NRXN1: variants seen among roughly 807,000 people sequenced by gnomAD.
NRXN1 encodes the protein neurexin 1.
A neutral mutation model predicts 150.9 loss-of-function variants in NRXN1; 39 were observed. The observed-to-expected ratio is 0.26, with a 90% CI of 0.20 to 0.34. The LOEUF (loss-of-function observed/expected upper bound fraction) is 0.34, where lower values mean the gene tolerates loss of function less well. Ranked by LOEUF, NRXN1 falls within the 10% of genes least tolerant of loss-of-function variation. NRXN1 has a pLI of 1.00. For synonymous variants in NRXN1, 924 were observed against 757.0 expected (o/e 1.22, Z -3.62); for missense variants, 1,815 against 1,949.9 (o/e 0.93, Z 1.30).
chr2:50,847,066 G>T (rs1474140251), intron 5 of NRXN1, among the ~76,000 whole-genome samples: 1 of 152,118 alleles, frequency 6.6e-6, no homozygotes. Context: ...AAGATAAGGA[G>T]GAACTTATAT....
At chr2:50,246,157 T>C (rs1339388468) in intron 17 of NRXN1, among the ~76,000 whole-genome samples, 2 of 151,998 alleles carry the variant, frequency 1.3e-5, no homozygotes, top group African/African-American at 4.8e-5. Flanking sequence ...GTATCTGCAA[T>C]GCTTTATTGT....
intron 21 of NRXN1, chr2:49,973,734 G>T: frequency 1.9e-6 from 1 of 520,636 alleles, no homozygotes; most frequent in South Asian, 2.5e-5. Context: ...CCATGCTCAG[G>T]GTTTAAGGAC....
intron 18 of NRXN1, among the ~76,000 whole-genome samples, chr2:50,170,141 TCACACA>T (rs71404935): frequency 3.4e-5 from 5 of 148,370 alleles, no homozygotes; most frequent in African/African-American, 7.4e-5. Context: ...ATAGATAATA[TCACACA>T]CACACACACA....
chr2:50,661,154 C>T (rs1439022547), intron 5 of NRXN1, among the ~76,000 whole-genome samples: 1 of 151,984 alleles, frequency 6.6e-6, no homozygotes, highest in Admixed American at 6.6e-5. Context: ...GTTTCAGAGA[C>T]CTCCAGGTGA....
chr2:49,978,227 A>G (rs919413234), intron 21 of NRXN1, among the ~76,000 whole-genome samples: 4 of 152,118 alleles, frequency 2.6e-5, no homozygotes, highest in Non-Finnish European at 5.9e-5. Context: ...TATATAAAGG[A>G]GAGGAAACTT....
At chr2:50,746,369 G>C (rs971413391) in intron 5 of NRXN1, among the ~76,000 whole-genome samples, 6 of 151,878 alleles carry the variant, frequency 4.0e-5, no homozygotes, top group Non-Finnish European at 2.9e-5. Context: ...ACCAGCCTGG[G>C]CAACATAATG....
At chr2:50,174,995 G>A (rs2060263464) in intron 18 of NRXN1, 1 of 152,164 alleles carries the variant, frequency 6.6e-6, no homozygotes, top group Non-Finnish European at 1.5e-5. Flanking sequence ...CCTGTAATGT[G>A]GGTAGGCTAT....
chr2:50,640,239 T>C (rs146478292), intron 5 of NRXN1, among the ~76,000 whole-genome samples: 1 of 152,256 alleles, frequency 6.6e-6, no homozygotes, highest in East Asian at 1.9e-4. Context: ...GTGATTCTAA[T>C]ATGTGGAAAT....
At chr2:50,407,374 A>C (rs531722526) in intron 17 of NRXN1, among the ~76,000 whole-genome samples, 46 of 152,254 alleles carry the variant, frequency 3.0e-4, no homozygotes, top group Non-Finnish European at 6.2e-4. Context: ...TGATACTATT[A>C]TCCTCTCTGC....
chr2:50,510,383 G>C (rs562930728), intron 12 of NRXN1, among the ~76,000 whole-genome samples: 1 of 150,454 alleles, frequency 6.6e-6, no homozygotes, highest in South Asian at 2.1e-4. Context: ...CTACTCAGGA[G>C]GCTGAGGCAG....
rs116084465 is a variant in NRXN1, at chr2:51,029,481, C to T, written c.-921-287G>A. Among the ~76,000 whole-genome samples the T allele has an allele frequency of 7.0e-3, 1,060 of 152,174 alleles. 8 individuals are homozygous for T. The highest frequency in any genetic ancestry group is 0.024 in the African/African-American group (1,000 of 41,536). On this transcript the variant is annotated intron_variant, in intron 1 of 22. Transcript: ENST00000401669. ...TTGATTATGGTTATCTTTTTCTTTT[C>T]GCAAGATAGTTTAATTTTTAAAATA... is the stretch of plus-strand genomic sequence containing the variant.
chr2:50,227,242 G>C (rs1213974380), intron 18 of NRXN1, among the ~76,000 whole-genome samples: 1 of 151,496 alleles, frequency 6.6e-6, no homozygotes, highest in Non-Finnish European at 1.5e-5. Flanking sequence ...TCCTGGAGAA[G>C]TAAATTACTA....
chr2:50,295,171 T>C (rs1020303673), intron 17 of NRXN1, among the ~76,000 whole-genome samples: 2 of 152,206 alleles, frequency 1.3e-5, no homozygotes, highest in African/African-American at 2.4e-5. Context: ...GAGGGTACAA[T>C]AGCATGTGGT....
chr2:50,727,919 G>A (rs921216123), intron 5 of NRXN1, among the ~76,000 whole-genome samples: 1 of 152,096 alleles, frequency 6.6e-6, no homozygotes, highest in Non-Finnish European at 1.5e-5. Context: ...TTATTGTTAA[G>A]CCACAGGGTA....
At position 50,945,821 on chromosome 2, in the gene NRXN1, C is replaced by T. The variant is rs573039894; in HGVS notation, c.773-19866G>A. Among the ~76,000 whole-genome samples the T allele has an allele frequency of 1.9e-3, 289 of 149,890 alleles. 4 individuals are homozygous for T. Among genetic ancestry groups the T allele is most frequent in the African/African-American group, 6.8e-3 (279 of 40,862 alleles). On this transcript the variant is annotated intron_variant, in intron 2 of 22. Coordinates refer to ENST00000401669, the MANE Select transcript of NRXN1 (RefSeq NM_001330078.2). The stretch of plus-strand genomic sequence containing the variant: ...AAAACATGACAGACTGAATTTACCA[C>T]GACTTTATCGTAAGAAACAAGTGAC...
chr2:50,350,293 T>C (rs373778495), intron 17 of NRXN1, among the ~76,000 whole-genome samples: 12 of 152,212 alleles, frequency 7.9e-5, no homozygotes, highest in African/African-American at 2.9e-4. Context: ...ATAAGGCACA[T>C]CACATCTTTC....
chr2:50,158,108 T>TGTGTG lies in NRXN1; in HGVS notation c.3547-66615_3547-66614insCACAC, dbSNP rs1558995599. Among the ~76,000 whole-genome samples the TGTGTG allele has an allele frequency of 6.7e-5, 8 of 119,146 alleles. No homozygotes were observed. The South Asian group carries it at 1.1e-3, about 16-fold the overall frequency. 78.2% of individuals were successfully genotyped at this position (119,146 alleles called of 152,430 possible). ...GTGTGTGTGTGTGTGTGTGTGTGTG[T>TGTGTG]AGGGGGAGTCAAATTAGAGGAAGGA... On this transcript the variant is annotated intron_variant, in intron 18 of 22. Transcript: ENST00000401669.
chr2:50,925,897 G>A, intron 3 of NRXN1, 41 bp downstream of exon 3: 1 of 1,510,320 alleles, frequency 6.6e-7, no homozygotes, highest in South Asian at 1.2e-5. Flanking sequence ...AAGAAATAAA[G>A]GACAAATGAG....
intron 21 of NRXN1, among the ~76,000 whole-genome samples, chr2:50,012,888 G>T (rs1156813630): frequency 3.3e-5 from 5 of 152,054 alleles, no homozygotes; most frequent in Admixed American, 2.6e-4. Flanking sequence ...TTGCACTCCT[G>T]AAGTATTACT....
Sources: gnomAD v4.1 joint callset for allele counts (sites outside exome capture counted in the v4.1 genomes callset) on GRCh38, gnomAD v4.1.1 for gene constraint, MANE v1.5 for transcripts, NCBI Gene and HGNC (gene_info 2026-07-23, HGNC 2026-07-21) for gene names.